The following PLEC variants were observed in gnomAD, a reference collection of about 807,000 sequenced individuals.
PLEC encodes hemidesmosomal protein 1.
Under a neutral mutation model 392.8 loss-of-function variants are expected in PLEC, and 216 were observed. That is an observed-to-expected ratio of 0.55 (90% CI 0.49 to 0.62). The LOEUF is 0.62. Among genes scored for constraint, PLEC ranks in the 20% least tolerant of loss-of-function variants. The probability of loss-of-function intolerance (pLI) is 0.00; values close to 1 mark genes in which losing one functional copy is unlikely to be tolerated. For synonymous variants in PLEC, 3,621 were observed against 2,980.6 expected, an observed-to-expected ratio of 1.21 and a Z score of -7.00; for missense variants, 6,863 against 6,563.4, an observed-to-expected ratio of 1.05 and a Z score of -1.58.
upstream of PLEC, chr8:143,975,092 C>A: frequency 6.8e-7 from 1 of 1,462,242 alleles, no homozygotes; most frequent in Non-Finnish European, 9.4e-7. The surrounding 1 kb of genome is among the most constrained non-coding windows in gnomAD (Gnocchi z 9.9). Flanking sequence ...CCCACCCAGT[C>A]CCCGCTCCAG....
rs782165865 is a variant in PLEC, at chr8:143,917,259, C to T, written c.12562G>A (p.Gly4188Ser). The T allele has an allele frequency of 3.4e-5, 54 of 1,611,348 alleles. No individual in the cohort carries two copies. The highest frequency in any genetic ancestry group is 1.8e-4 in the Admixed American group (11 of 59,986). The change falls in exon 32 of 32, where the codon GGC becomes AGC. Residue 4188 changes from glycine (G) to serine (S), a missense_variant. Gly to Ser is a moderately conservative substitution (Grantham distance 56, BLOSUM62 0). Coordinates refer to ENST00000345136, the MANE Select transcript of PLEC (RefSeq NM_201384.3). ...TCGATGATCATGGACTTGACCACGC[C>T]GTCCGAGGAGGAGATGGTGATCTCC... ...WEEITISSSD[G>S]VVKSMIIDRR...
At position 143,917,998 on chromosome 8, in the gene PLEC, G is replaced by A. The variant is rs201426199; in HGVS notation, c.11823C>T (p.Asp3941=). ...ACACCGAGAGCCGTTCCTTGGTGGCGTCCACGAAGACACCAGCGATGCAGC... is the reference window on the plus strand; with the variant it reads ...ACACCGAGAGCCGTTCCTTGGTGGCATCCACGAAGACACCAGCGATGCAGC... ...GTSCIAGVFV[D]ATKERLSVYQ... is the part of the protein sequence containing the mutation. The change falls in exon 32 of 32, where the codon GAC becomes GAT. Residue 3941 remains aspartate (D), a synonymous_variant. Coordinates refer to ENST00000345136, the MANE Select transcript of PLEC (RefSeq NM_201384.3). The A allele has an allele frequency of 1.1e-4, 175 of 1,612,232 alleles. No homozygotes were observed. Among genetic ancestry groups the A allele is most frequent in the Middle Eastern group, 1.6e-4 (1 of 6,062 alleles).
At chr8:143,938,106 CCAGGTGGGG>C in intron 3 of PLEC, 36 bp downstream of exon 3, 3 of 1,432,438 alleles carry the variant, frequency 2.1e-6, no homozygotes, top group Non-Finnish European at 2.9e-6. Flanking sequence ...GCAGAGGTCT[CCAGGTGGGG>C]CAGGCGGGGC....
chr8:143,947,008 G>T (rs1171062806), intron 1 of PLEC, among the ~76,000 whole-genome samples: 12 of 152,152 alleles, frequency 7.9e-5, no homozygotes, highest in African/African-American at 2.9e-4. Flanking sequence ...CCAGTGAAGT[G>T]CAAATCAAAT....
intron 1 of PLEC, chr8:143,944,734 G>T: frequency 7.9e-7 from 1 of 1,266,044 alleles, no homozygotes; most frequent in Middle Eastern, 2.1e-4. Context: ...AGGCCCCTCG[G>T]AGGAGGCACA....
upstream of PLEC, among the ~76,000 whole-genome samples, chr8:143,952,663 C>A (rs1832309280): frequency 6.6e-6 from 1 of 152,046 alleles, no homozygotes; most frequent in Non-Finnish European, 1.5e-5. Flanking sequence ...ACCAAACTAA[C>A]CCACGATACC....
At chr8:143,962,171 TTGAGA>T (rs1211637557) in intron 1 of PLEC, among the ~76,000 whole-genome samples, 8 of 152,200 alleles carry the variant, frequency 5.3e-5, no homozygotes, top group African/African-American at 1.9e-4. Context: ...ATAAAGGATC[TTGAGA>T]TGAGATCATC....
chr8:143,940,618 G>A (rs952913665), upstream of PLEC, among the ~76,000 whole-genome samples: 2 of 152,224 alleles, frequency 1.3e-5, no homozygotes, highest in South Asian at 2.1e-4. Context: ...ACCACCATAG[G>A]AAAGAATGCG....
At chr8:143,954,031 G>C, upstream of PLEC, 1 of 844,908 alleles carries the variant, frequency 1.2e-6, no homozygotes, top group South Asian at 2.1e-5. The surrounding 1 kb of genome is among the most constrained non-coding windows in gnomAD (Gnocchi z 4.6). Context: ...CAGACTGCCA[G>C]GTCACCAGGC....
chr8:143,925,888 T>C lies in PLEC; in HGVS notation c.4045-4A>G, dbSNP rs7002152. On this transcript the variant is annotated splice_region_variant and splice_polypyrimidine_tract_variant and intron_variant, in intron 30 of 31. Transcript: ENST00000345136. Reference sequence around the variant, plus strand: ...CCCGCTGCTGCTCAGCCAGCCTCTGTGGCCACAGCAGAGAGAAGAAGAGAA... The same window carrying C: ...CCCGCTGCTGCTCAGCCAGCCTCTGCGGCCACAGCAGAGAGAAGAAGAGAA... 0.39 allele frequency: 598,409 copies of C among 1,540,612 alleles called. 122,568 individuals carry two copies. Among genetic ancestry groups the C allele is most frequent in the Non-Finnish European group, 0.42 (484,332 of 1,148,942 alleles).
intron 13 of PLEC, 32 bp from the exon 14 acceptor site, chr8:143,933,143 G>A (rs1554718979): frequency 1.2e-6 from 2 of 1,605,612 alleles, no homozygotes; most frequent in Non-Finnish European, 1.7e-6. Flanking sequence ...GTAGGTGTTG[G>A]CGGGCCTGGG....
upstream of PLEC, among the ~76,000 whole-genome samples, chr8:143,953,558 G>A (rs1587376931): frequency 2.0e-5 from 3 of 152,312 alleles, no homozygotes; most frequent in Admixed American, 6.5e-5. Flanking sequence ...GAACCAGGTG[G>A]AGCCCGGAGG....
Position 143,932,685 on chromosome 8 carries a change from C to T in PLEC, c.1765G>A (p.Ala589Thr). 5 of 1,609,354 alleles carry T rather than the reference C, an allele frequency of 3.1e-6. No individual in the cohort carries two copies. Among genetic ancestry groups the T allele is most frequent in the Non-Finnish European group, 4.2e-6 (5 of 1,178,498 alleles). The stretch of plus-strand genomic sequence containing the variant: ...AGCCGACCCAGGCAGTCACGGTAGG[C>T]ACCCCGGGTGGCGGGGGAGAGCTGG... ...EGQLSPATRG[A>T]YRDCLGRLDL... Residue 589 changes from alanine (A) to threonine (T), a missense_variant, in exon 15 of 32, where the codon GCC becomes ACC. Physicochemically the swap from Ala to Thr is moderately conservative, Grantham distance 58. Coordinates refer to ENST00000345136, the MANE Select transcript of PLEC (RefSeq NM_201384.3).
Position 143,923,980 on chromosome 8 carries a change from G to A in PLEC, c.5949C>T (p.Arg1983=), listed in dbSNP as rs1267725365. The A allele has an allele frequency of 8.2e-6, 13 of 1,583,524 alleles. No individual in the cohort carries two copies. Among genetic ancestry groups the A allele is most frequent in the Middle Eastern group, 1.7e-4 (1 of 5,912 alleles). Residue 1983 remains arginine, a synonymous_variant, in exon 31 of 32, where the codon CGC becomes CGT. Transcript: ENST00000345136. ...RQLAAEEERR[R]REAEERVQKS... is the part of the protein sequence containing the mutation. ...TCTGCACGCGCTCCTCAGCCTCACG[G>A]CGCCGCCGCTCCTCCTCCGCCGCCA...
chr8:143,957,155 G>C (rs1345230064), upstream of PLEC, among the ~76,000 whole-genome samples: 1 of 152,192 alleles, frequency 6.6e-6, no homozygotes, highest in East Asian at 1.9e-4. Flanking sequence ...ACGAGCAAGA[G>C]ATTTAGGCAG....
chr8:143,935,208 C>T lies in PLEC; in HGVS notation c.708G>A (p.Leu236=), dbSNP rs781868656. 1.2e-6 allele frequency: 2 copies of T among 1,612,632 alleles called. No homozygotes were observed. The highest frequency in any genetic ancestry group is 1.1e-5 in the South Asian group (1 of 91,074). Residue 236 remains leucine (L), a synonymous_variant, in exon 7 of 32, where the codon CTG becomes CTA. Coordinates refer to ENST00000345136, the MANE Select transcript of PLEC (RefSeq NM_201384.3). ...GCCACGCAGACGTACCCTCAGGGTCCAGGAGCCGCGTCACTCCCAGGTCCC... is the reference window on the plus strand; with the variant it reads ...GCCACGCAGACGTACCCTCAGGGTCTAGGAGCCGCGTCACTCCCAGGTCCC... ...AERDLGVTRL[L]DPEDVDVPQP...
rs370760273 is a variant in PLEC at position 143,923,040 on chromosome 8, C to A, written c.6889G>T (p.Ala2297Ser). The stretch of plus-strand genomic sequence containing the variant: ...CGCTGCTGTGCCAGGTCCTCCTCTG[C>A]CAGCTGCCGCAGTCGCGCAGCCTCT... Reference protein sequence around the residue: ...AQEAARLRQLAEEDLAQQRAL... With the variant: ...AQEAARLRQLSEEDLAQQRAL... The change falls in exon 31 of 32, where the codon GCA becomes TCA. Residue 2297 changes from alanine to serine, a missense_variant. Physicochemically the swap from Ala to Ser is moderately conservative, Grantham distance 99 (BLOSUM62 1). Transcript: ENST00000345136. 6.2e-6 allele frequency: 10 copies of A among 1,611,332 alleles called. No homozygotes were observed. The highest frequency in any genetic ancestry group is 6.8e-6 in the Non-Finnish European group (8 of 1,179,706).
In PLEC at chr8:143,930,424, C is replaced by T. The variant is rs782046742; in HGVS notation, c.2417G>A (p.Arg806His). Residue 806 changes from arginine to histidine, a missense_variant, in exon 20 of 32, where the codon CGC (arginine) becomes CAC (histidine). By Grantham distance (29) the Arg-to-His change is conservative. Coordinates refer to ENST00000345136, the MANE Select transcript of PLEC (RefSeq NM_201384.3). ...GTCGCACACGGCCAGCAGGGGCAGG[C>T]GGCCCCGCATGGGGTGGGCTGGGTG... ...PRHPAHPMRG[R>H]LPLLAVCDYK... 2.7e-5 allele frequency: 43 copies of T among 1,571,916 alleles called. No individual in the cohort carries two copies. Among genetic ancestry groups the T allele is most frequent in the African/African-American group, 4.1e-5 (3 of 74,012 alleles).
At chr8:143,961,592 T>C (rs547233671) in intron 1 of PLEC, among the ~76,000 whole-genome samples, 1 of 152,258 alleles carries the variant, frequency 6.6e-6, no homozygotes, top group East Asian at 1.9e-4. Flanking sequence ...TTCACTGCAG[T>C]CATTTCTAAT....
Sources: allele counts gnomAD v4.1 joint callset (sites outside exome capture counted in the v4.1 genomes callset), GRCh38; gene constraint gnomAD v4.1.1; non-coding constraint Gnocchi (gnomAD v3.1); transcripts MANE v1.5; gene names NCBI Gene and HGNC (gene_info 2026-07-23, HGNC 2026-07-21).